CLIC2: variants seen among roughly 807,000 people sequenced by gnomAD.
The protein encoded by CLIC2 is chloride intracellular channel protein 2.
CLIC2 carries 9 observed loss-of-function variants against 14.8 expected under a neutral mutation model. The observed-to-expected ratio is 0.61, with a 90% confidence interval of 0.37 to 1.06. CLIC2 has a LOEUF of 1.06. Among genes scored for constraint, CLIC2 ranks in the 50% least tolerant of loss-of-function variants. CLIC2 has a pLI of 0.01. For missense variants in CLIC2, 148 were observed against 181.4 expected, an observed-to-expected ratio of 0.82 and a Z score of 1.06; for synonymous variants, 61 against 66.3, an observed-to-expected ratio of 0.92 and a Z score of 0.39.
intron 1 of CLIC2, among the ~76,000 whole-genome samples, chrX:155,310,739 G>A (rs1038897291): frequency 2.7e-5 from 3 of 112,473 alleles, no homozygotes; most frequent in African/African-American, 9.7e-5. Context: ...TTCTCCATGA[G>A]GGCCCCACCC....
intron 1 of CLIC2, among the ~76,000 whole-genome samples, chrX:155,303,053 T>G (rs1557319361): frequency 1.2e-5 from 1 of 86,650 alleles, no homozygotes; most frequent in African/African-American, 3.9e-5. Context: ...AAATGTATAT[T>G]CTATTGATTT....
At chrX:155,323,255 T>C (rs891321200) in intron 1 of CLIC2, among the ~76,000 whole-genome samples, 19 of 112,077 alleles carry the variant, frequency 1.7e-4, no homozygotes, top group African/African-American at 6.1e-4. Context: ...CCAATATCCC[T>C]GATAAACATT....
At chrX:155,291,197 CA>C (rs1429001977) in intron 3 of CLIC2, 52 of 982,473 alleles carry the variant, frequency 5.3e-5, no homozygotes, top group Non-Finnish European at 7.1e-5. Context: ...TGTCCTCCAA[CA>C]GGGGTAAAAC....
At chrX:155,308,022 A>C (rs782775965) in intron 1 of CLIC2, among the ~76,000 whole-genome samples, 3 of 110,943 alleles carry the variant, frequency 2.7e-5, no homozygotes, top group Non-Finnish European at 3.8e-5. Flanking sequence ...ATAAACATCC[A>C]TAAGAATCAA....
chrX:155,288,246 C>A (rs1176370803), intron 3 of CLIC2, among the ~76,000 whole-genome samples: 2 of 111,687 alleles, frequency 1.8e-5, no homozygotes, highest in African/African-American at 6.5e-5. Context: ...TTCTTCACTG[C>A]TATATAAATT....
chrX:155,334,139 G>A (rs1279583311), intron 1 of CLIC2, among the ~76,000 whole-genome samples: 1 of 111,457 alleles, frequency 9.0e-6, no homozygotes, highest in Non-Finnish European at 1.9e-5. Flanking sequence ...CTACAAACCA[G>A]TCTAGTGCTT....
At chrX:155,300,022 T>C (rs2075010006) in intron 1 of CLIC2, among the ~76,000 whole-genome samples, 1 of 109,498 alleles carries the variant, frequency 9.1e-6, no homozygotes, top group Non-Finnish European at 1.9e-5. Flanking sequence ...TTGTGAATAA[T>C]GCCGCAATAA....
rs1557320338 is a variant in CLIC2 at position 155,309,581 on chromosome X, T to C, written c.58-10436A>G. The stretch of plus-strand genomic sequence containing the variant: ...GGTTTAATGGACTCACAGTTCCACG[T>C]GGCTGGGAAGGCCTCACAATCATGG... On this transcript the variant is annotated intron_variant, in intron 1 of 5. Transcript: ENST00000369449. The C allele has an allele frequency of 1.1e-5, 3 of 284,523 alleles. No individual in the cohort carries two copies. In the Admixed American group the frequency reaches 1.2e-4, roughly 11 times the overall value. The allele number at this position is 284,523 out of a possible 1,213,427, so 23.4% of individuals were successfully genotyped here. A position where few individuals can be genotyped will look rare whatever the true frequency, so the allele number is the denominator to read the frequency against.
At chrX:155,319,830 C>T (rs782493688) in intron 1 of CLIC2, among the ~76,000 whole-genome samples, 6 of 112,228 alleles carry the variant, frequency 5.3e-5, no homozygotes, top group African/African-American at 1.9e-4. Context: ...TCACTGCCAG[C>T]ACAGCAGTCT....
chrX:155,296,966 T>A (rs1397911087), intron 3 of CLIC2, among the ~76,000 whole-genome samples: 1 of 112,008 alleles, frequency 8.9e-6, no homozygotes, highest in Non-Finnish European at 1.9e-5. Context: ...TTGGCATTTA[T>A]CCAAAGCACG....
At chrX:155,307,002 G>A (rs782673342) in intron 1 of CLIC2, among the ~76,000 whole-genome samples, 2 of 111,540 alleles carry the variant, frequency 1.8e-5, no homozygotes, top group South Asian at 7.4e-4. Context: ...ATGCACTTGA[G>A]TTTATTGGTG....
At chrX:155,299,268 T>C in intron 1 of CLIC2, 123 bp from the exon 2 acceptor site, 1 of 531,301 alleles carries the variant, frequency 1.9e-6, no homozygotes, top group Non-Finnish European at 3.3e-6. Context: ...ATGTACTCCA[T>C]CATCTATGGA....
chrX:155,305,435 G>T (rs1258680665), intron 1 of CLIC2, among the ~76,000 whole-genome samples: 1 of 112,239 alleles, frequency 8.9e-6, no homozygotes, highest in African/African-American at 3.2e-5. Context: ...GCTTCGGCTC[G>T]CGCACGGTGC....
At chrX:155,291,482 A>T (rs183384462) in intron 3 of CLIC2, 1 of 377,226 alleles carries the variant, frequency 2.7e-6, no homozygotes, top group African/African-American at 2.6e-5. Context: ...TTGACTTTCT[A>T]TGTTCCTATT....
At chrX:155,279,418 C>T in intron 4 of CLIC2, 88 bp from the exon 5 acceptor site, 1 of 686,750 alleles carries the variant, frequency 1.5e-6, no homozygotes, top group Admixed American at 2.4e-5. Flanking sequence ...CATTTAGACA[C>T]CTCTATCTAT....
intron 1 of CLIC2, among the ~76,000 whole-genome samples, chrX:155,317,054 C>T (rs113352114): frequency 1.3e-3 from 147 of 111,260 alleles, no homozygotes; most frequent in African/African-American, 4.7e-3. Context: ...TCAGTATTAA[C>T]CATCAGAGTG....
rs1395481231 is a variant in CLIC2 at position 155,291,209 on chromosome X, A to C, written c.293+7576T>G. ...GTTTGTCCTCCAACAGGGGTAAAACAAAGGAATCATAATCGTTATCCCAGG... is the reference window on the plus strand; with the variant it reads ...GTTTGTCCTCCAACAGGGGTAAAACCAAGGAATCATAATCGTTATCCCAGG... On this transcript the variant is annotated intron_variant, in intron 3 of 5. Coordinates refer to ENST00000369449, the MANE Select transcript of CLIC2 (RefSeq NM_001289.6). The C allele has an allele frequency of 4.1e-6, 4 of 980,811 alleles. No individual in the cohort carries two copies. The African/African-American group carries it at 7.6e-5, about 19-fold the overall frequency. 80.8% of individuals were successfully genotyped at this position (980,811 alleles called of 1,213,427 possible). A position where few individuals can be genotyped will look rare whatever the true frequency, so the allele number is the denominator to read the frequency against.
chrX:155,328,932 C>G (rs1367396568), intron 1 of CLIC2, among the ~76,000 whole-genome samples: 4 of 111,198 alleles, frequency 3.6e-5, no homozygotes, highest in African/African-American at 1.3e-4. Context: ...ACCCCTATCT[C>G]TCACCATATA....
intron 5 of CLIC2, among the ~76,000 whole-genome samples, chrX:155,278,416 C>T (rs1012962297): frequency 5.4e-5 from 6 of 111,626 alleles, no homozygotes; most frequent in Non-Finnish European, 1.1e-4. Context: ...GCATAGGACT[C>T]AAAGAGTAAA....
Sources: allele counts gnomAD v4.1 joint callset (sites outside exome capture counted in the v4.1 genomes callset), GRCh38; gene constraint gnomAD v4.1.1; transcripts MANE v1.5; gene names NCBI Gene and HGNC (gene_info 2026-07-23, HGNC 2026-07-21).